The following KCNT2 variants were observed in gnomAD, a reference collection of about 807,000 sequenced individuals.
The protein encoded by KCNT2 is potassium channel subfamily T member 2.
A neutral mutation model predicts 153.8 loss-of-function variants in KCNT2; 67 were observed. The observed-to-expected ratio is 0.44, with a 90% CI of 0.36 to 0.53. KCNT2 has a LOEUF of 0.53. KCNT2 is among the 20% of genes least tolerant of loss of function. The probability of loss-of-function intolerance (pLI) is 0.00; values close to 1 mark genes in which losing one functional copy is unlikely to be tolerated. For synonymous variants in KCNT2, 500 were observed against 458.8 expected (o/e 1.09, Z -1.15); for missense variants, 975 against 1,354.8 (o/e 0.72, Z 4.40).
intron 1 of KCNT2, among the ~76,000 whole-genome samples, chr1:196,496,612 C>T (rs1475889505): frequency 6.6e-6 from 1 of 151,984 alleles, no homozygotes; most frequent in Non-Finnish European, 1.5e-5. Context: ...TATTAAATGT[C>T]GAAATAAATA....
In KCNT2 at chr1:196,423,278, T is replaced by C. The variant is rs916266729; in HGVS notation, c.1122-165A>G. ...TTGAATTTCTAGCAGATCATGACTA[T>C]ATCTGATTTTGAACAAAAAAAAATT... On this transcript the variant is annotated intron_variant, in intron 11 of 27. Transcript: ENST00000294725. Among the ~76,000 whole-genome samples the C allele has an allele frequency of 5.3e-5, 8 of 151,998 alleles. No homozygotes were observed. The East Asian group carries it at 9.7e-4, about 18-fold the overall frequency.
chr1:196,467,506 T>C (rs1233999018), intron 7 of KCNT2, among the ~76,000 whole-genome samples, 197 bp downstream of exon 7: 1 of 152,098 alleles, frequency 6.6e-6, no homozygotes, highest in African/African-American at 2.4e-5. Context: ...ATTTAAAAGA[T>C]GTTTAAAAAT....
At position 196,469,012 on chromosome 1, in the gene KCNT2, T is replaced by C; in HGVS notation, c.441A>G (p.Ala147=). ...RIPFILEIIN[A]VPFIISIFWP... ...GACTTACTGAGATAATGAAGGGAAC[T>C]GCATTAATTATTTCCAAGATGAAGG... The change falls in exon 6 of 28, where the codon GCA becomes GCG. Residue 147 remains alanine (A), a synonymous_variant. Transcript: ENST00000294725. 1.3e-6 allele frequency: 2 copies of C among 1,599,686 alleles called. No homozygotes were observed. Among genetic ancestry groups the C allele is most frequent in the Non-Finnish European group, 1.7e-6 (2 of 1,169,708 alleles).
chr1:196,498,236 T>G (rs1167899445), intron 1 of KCNT2, among the ~76,000 whole-genome samples: 1 of 152,186 alleles, frequency 6.6e-6, no homozygotes, highest in Non-Finnish European at 1.5e-5. Context: ...GAAAAATAAT[T>G]CTGATCCAGG....
chr1:196,281,131 T>C, intron 24 of KCNT2, 143 bp from the exon 25 acceptor site: 2 of 623,192 alleles, frequency 3.2e-6, no homozygotes, highest in Non-Finnish European at 5.6e-6. Context: ...GGTGCAACCA[T>C]GGCTCACTGC....
intron 1 of KCNT2, among the ~76,000 whole-genome samples, chr1:196,497,681 G>T (rs949544000): frequency 1.3e-5 from 2 of 151,960 alleles, no homozygotes; most frequent in African/African-American, 4.8e-5. Context: ...TAATGGATGG[G>T]TATTGATTGT....
intron 1 of KCNT2, among the ~76,000 whole-genome samples, chr1:196,551,656 A>G (rs1657920974): frequency 6.6e-6 from 1 of 151,664 alleles, no homozygotes; most frequent in East Asian, 1.9e-4. Context: ...TAGAGAATAC[A>G]TCTCATTAGG....
At chr1:196,232,298 C>T (rs552726426) in intron 27 of KCNT2, among the ~76,000 whole-genome samples, 1 of 151,788 alleles carries the variant, frequency 6.6e-6, no homozygotes, top group African/African-American at 2.4e-5. Flanking sequence ...ATTAATGTTG[C>T]TTCTTCATTT....
At chr1:196,362,976 A>C (rs1667753578) in intron 14 of KCNT2, among the ~76,000 whole-genome samples, 1 of 152,086 alleles carries the variant, frequency 6.6e-6, no homozygotes, top group East Asian at 1.9e-4. Context: ...TTAGGGAGGC[A>C]TGTCAAAAGC....
intron 22 of KCNT2, among the ~76,000 whole-genome samples, chr1:196,287,452 C>A (rs1385810737): frequency 6.6e-6 from 1 of 151,312 alleles, no homozygotes; most frequent in Non-Finnish European, 1.5e-5. Context: ...AACAAACAAA[C>A]AAACAAACAA....
At chr1:196,330,328 C>A (rs554341453) in intron 18 of KCNT2, among the ~76,000 whole-genome samples, 14 of 151,788 alleles carry the variant, frequency 9.2e-5, no homozygotes, top group African/African-American at 2.9e-4. Context: ...CCTGTAAGAG[C>A]CTTATGAGGT....
chr1:196,333,004 T>C (rs916005770), intron 17 of KCNT2, among the ~76,000 whole-genome samples: 1 of 151,940 alleles, frequency 6.6e-6, no homozygotes, highest in African/African-American at 2.4e-5. Flanking sequence ...TGGTCAGGCT[T>C]GTCTCAAACT....
intron 1 of KCNT2, among the ~76,000 whole-genome samples, chr1:196,538,178 C>T (rs184920301): frequency 2.0e-5 from 3 of 152,174 alleles, no homozygotes; most frequent in African/African-American, 7.2e-5. Context: ...GTGTTTCCAG[C>T]TGCTTCACTG....
At chr1:196,504,499 C>G (rs531622827) in intron 1 of KCNT2, among the ~76,000 whole-genome samples, 14 of 152,012 alleles carry the variant, frequency 9.2e-5, no homozygotes, top group South Asian at 4.2e-4. Flanking sequence ...GGACATTTGG[C>G]TTGGTTCCAA....
rs1653508030 is a variant in KCNT2 at position 196,226,584 on chromosome 1, A to T, written c.*1640T>A. The T allele has an allele frequency of 6.6e-6, 1 of 151,990 alleles. No homozygotes were observed. The highest frequency in any genetic ancestry group is 2.4e-5 in the African/African-American group (1 of 41,448). 9.4% of individuals were successfully genotyped at this position (151,990 alleles called of 1,614,324 possible). A position where few individuals can be genotyped will look rare whatever the true frequency, so the allele number is the denominator to read the frequency against. ...TTCTTGTTATTCTAAAATGTGAATAATGTAAAATACCAAAAAGAAAAAAAG... is the reference window on the plus strand; with the variant it reads ...TTCTTGTTATTCTAAAATGTGAATATTGTAAAATACCAAAAAGAAAAAAAG... On this transcript the variant is annotated 3_prime_UTR_variant, in exon 28 of 28. Coordinates refer to ENST00000294725, the MANE Select transcript of KCNT2 (RefSeq NM_198503.5).
At chr1:196,487,715 A>C (rs1172531596) in intron 3 of KCNT2, among the ~76,000 whole-genome samples, 1 of 151,998 alleles carries the variant, frequency 6.6e-6, no homozygotes, top group East Asian at 1.9e-4. Context: ...AATAGTTGTT[A>C]CCCTGAGGAA....
chr1:196,535,814 T>A (rs754527437), intron 1 of KCNT2, among the ~76,000 whole-genome samples: 1 of 152,242 alleles, frequency 6.6e-6, no homozygotes, highest in Non-Finnish European at 1.5e-5. Context: ...CAGACAATAG[T>A]GGCTTCCAGC....
intron 1 of KCNT2, among the ~76,000 whole-genome samples, chr1:196,592,850 A>G (rs1663548763): frequency 6.7e-6 from 1 of 149,340 alleles, no homozygotes; most frequent in Non-Finnish European, 1.5e-5. Flanking sequence ...TTTTATTTCT[A>G]TAAAATAAAA....
intron 14 of KCNT2, among the ~76,000 whole-genome samples, chr1:196,345,135 T>C (rs981419377): frequency 6.6e-6 from 1 of 152,092 alleles, no homozygotes; most frequent in Non-Finnish European, 1.5e-5. Flanking sequence ...ACAAAAAAGG[T>C]AAAAATATCT....
Sources: allele counts gnomAD v4.1 joint callset (sites outside exome capture counted in the v4.1 genomes callset), GRCh38; gene constraint gnomAD v4.1.1; transcripts MANE v1.5; gene names NCBI Gene and HGNC (gene_info 2026-07-23, HGNC 2026-07-21).